The following ANKRD55 variants were observed in gnomAD, a reference collection of about 807,000 sequenced individuals.
ANKRD55 encodes ankyrin repeat domain-containing protein 55.
ANKRD55 carries 41 observed loss-of-function variants against 60.6 expected under a neutral mutation model. The observed-to-expected ratio is 0.68, with a 90% CI of 0.53 to 0.88. The LOEUF (loss-of-function observed/expected upper bound fraction) is 0.88, where lower values mean the gene tolerates loss of function less well. ANKRD55 is among the 40% of genes least tolerant of loss of function. The pLI, the probability that ANKRD55 is intolerant of heterozygous loss-of-function variation, is 0.00. For missense variants in ANKRD55, 732 were observed against 767.6 expected, an observed-to-expected ratio of 0.95 and a Z score of 0.55; for synonymous variants, 264 against 290.3, an observed-to-expected ratio of 0.91 and a Z score of 0.92.
intron 2 of ANKRD55, among the ~76,000 whole-genome samples, chr5:56,228,912 AC>A (rs1760181021): frequency 6.6e-6 from 1 of 152,112 alleles, no homozygotes; most frequent in Non-Finnish European, 1.5e-5. Context: ...AAGAGAAACG[AC>A]CTGTGCAAGA....
Position 56,183,499 on chromosome 5 carries a change from A to G in ANKRD55, c.181+13T>C, listed in dbSNP as rs778388487. ...GCAGAACATTCTGGATTCAAAATGCATACATATCTCACCTTCACTGTCACA... is the reference window on the plus strand; with the variant it reads ...GCAGAACATTCTGGATTCAAAATGCGTACATATCTCACCTTCACTGTCACA... On this transcript the variant is annotated intron_variant, in intron 3 of 11. Coordinates refer to ENST00000341048, the MANE Select transcript of ANKRD55 (RefSeq NM_024669.3). The G allele has an allele frequency of 4.3e-6, 7 of 1,613,612 alleles. No individual in the cohort carries two copies. The Admixed American group carries it at 1.0e-4, about 23-fold the overall frequency.
intron 2 of ANKRD55, among the ~76,000 whole-genome samples, chr5:56,190,562 A>G (rs965651821): frequency 5.3e-5 from 8 of 152,204 alleles, no homozygotes; most frequent in Non-Finnish European, 1.5e-5. Flanking sequence ...TTTTTCCAAC[A>G]TCATTCATTG....
intron 5 of ANKRD55, among the ~76,000 whole-genome samples, chr5:56,167,077 G>A (rs965385181): frequency 6.6e-6 from 1 of 152,156 alleles, no homozygotes; most frequent in African/African-American, 2.4e-5. Flanking sequence ...ATTCCATAGG[G>A]AATCCTTTAG....
intron 2 of ANKRD55, among the ~76,000 whole-genome samples, chr5:56,205,809 A>G (rs1759491017): frequency 6.6e-6 from 1 of 152,108 alleles, no homozygotes; most frequent in South Asian, 2.1e-4. Flanking sequence ...GCTGGCTCAA[A>G]TGTCAGAGAC....
chr5:56,123,118 G>A (rs1347916838), intron 8 of ANKRD55, among the ~76,000 whole-genome samples: 2 of 151,978 alleles, frequency 1.3e-5, no homozygotes, highest in African/African-American at 2.4e-5. Context: ...TAAGTCACTC[G>A]GGAAATGGGC....
intron 7 of ANKRD55, among the ~76,000 whole-genome samples, chr5:56,137,764 T>G (rs1250336580): frequency 1.3e-5 from 2 of 152,066 alleles, no homozygotes; most frequent in Non-Finnish European, 2.9e-5. Context: ...AAGAAAATAT[T>G]TGTAAAAGAC....
intron 3 of ANKRD55, among the ~76,000 whole-genome samples, chr5:56,179,477 A>G (rs1758811253): frequency 6.6e-6 from 1 of 152,212 alleles, no homozygotes; most frequent in Non-Finnish European, 1.5e-5. Flanking sequence ...ACTGCTCTGT[A>G]ACTTTTTTCC....
At chr5:56,170,361 C>G (rs1287266397) in intron 5 of ANKRD55, among the ~76,000 whole-genome samples, 2 of 152,184 alleles carry the variant, frequency 1.3e-5, no homozygotes, top group Admixed American at 6.5e-5. Context: ...AGGACTAGAA[C>G]AGTCCTTGGT....
chr5:56,192,585 T>A (rs1759125396), intron 2 of ANKRD55: 2 of 500,888 alleles, frequency 4.0e-6, no homozygotes, highest in Non-Finnish European at 7.3e-6. Context: ...TTAACCTTCC[T>A]CTATGGATCG....
chr5:56,100,295 C>T lies in ANKRD55; in HGVS notation c.1733G>A (p.Gly578Glu). 6.2e-7 allele frequency: 1 copy of T among 1,614,068 alleles called. No homozygotes were observed. The highest frequency in any genetic ancestry group is 1.1e-5 in the South Asian group (1 of 91,072). ...CACTCGGTTTGTCCGCAGAGGTTCT[C>T]CAGATAGAACTGGGAAGAAAGAATA... Reference protein sequence around the residue: ...APLPDQKFLSGEPLRTNRVLP... With the variant: ...APLPDQKFLSEEPLRTNRVLP... Residue 578 changes from glycine (G) to glutamate (E), a missense_variant, in exon 12 of 12, where the codon GGA becomes GAA. Transcript: ENST00000341048.
intron 6 of ANKRD55, among the ~76,000 whole-genome samples, chr5:56,158,406 T>C (rs559992582): frequency 4.6e-5 from 7 of 152,344 alleles, no homozygotes; most frequent in African/African-American, 1.7e-4. Flanking sequence ...TTTAAATTGA[T>C]TTTAAGAACC....
At chr5:56,226,836 C>A (rs1267789474) in intron 2 of ANKRD55, among the ~76,000 whole-genome samples, 1 of 152,152 alleles carries the variant, frequency 6.6e-6, no homozygotes, top group African/African-American at 2.4e-5. Context: ...AGTCAGGAAA[C>A]AACAGGTGCT....
At chr5:56,175,750 A>G (rs905078741) in intron 4 of ANKRD55, among the ~76,000 whole-genome samples, 5 of 152,132 alleles carry the variant, frequency 3.3e-5, no homozygotes, top group African/African-American at 1.2e-4. Flanking sequence ...CTTAGCCTCA[A>G]GCTTCTACTC....
chr5:56,142,557 T>C (rs1276083246), intron 7 of ANKRD55, among the ~76,000 whole-genome samples: 2 of 152,196 alleles, frequency 1.3e-5, no homozygotes, highest in Non-Finnish European at 2.9e-5. Context: ...ACATGCATCC[T>C]GGATCTAGGG....
At chr5:56,229,322 G>C (rs909693943) in intron 2 of ANKRD55, among the ~76,000 whole-genome samples, 4 of 152,058 alleles carry the variant, frequency 2.6e-5, no homozygotes, top group Admixed American at 2.6e-4. Flanking sequence ...AAGAACACGT[G>C]GGACCAGAAG....
chr5:56,104,518 T>C (rs1756391642), intron 10 of ANKRD55, among the ~76,000 whole-genome samples: 1 of 152,116 alleles, frequency 6.6e-6, no homozygotes, highest in African/African-American at 2.4e-5. Flanking sequence ...GAGCCGTGCA[T>C]AGCCCAAAGC....
chr5:56,206,344 T>C (rs1299553658), intron 2 of ANKRD55, among the ~76,000 whole-genome samples: 6 of 152,206 alleles, frequency 3.9e-5, no homozygotes, highest in Non-Finnish European at 8.8e-5. Flanking sequence ...TTAAAGTGTA[T>C]GAGTATGCTT....
At chr5:56,150,875 G>C (rs71624120) in intron 6 of ANKRD55, among the ~76,000 whole-genome samples, 1 of 152,180 alleles carries the variant, frequency 6.6e-6, no homozygotes, top group Non-Finnish European at 1.5e-5. Context: ...CTCCAGCCTT[G>C]GCGACAAAGC....
chr5:56,100,689 C>A (rs541082052), intron 11 of ANKRD55, among the ~76,000 whole-genome samples: 1 of 152,186 alleles, frequency 6.6e-6, no homozygotes, highest in Non-Finnish European at 1.5e-5. Context: ...TCTCAGGCTT[C>A]TTTTAAGAAA....
Sources: gnomAD v4.1 joint callset for allele counts (sites outside exome capture counted in the v4.1 genomes callset) on GRCh38, gnomAD v4.1.1 for gene constraint, MANE v1.5 for transcripts, NCBI Gene and HGNC (gene_info 2026-07-23, HGNC 2026-07-21) for gene names.